ANTXR2: variants seen among roughly 807,000 people sequenced by gnomAD.
The protein encoded by ANTXR2 is anthrax toxin receptor 2.
A neutral mutation model predicts 73.7 loss-of-function variants in ANTXR2; 44 were observed. The observed-to-expected ratio is 0.60, with a 90% CI of 0.47 to 0.77. The LOEUF (loss-of-function observed/expected upper bound fraction) is 0.77. Ranked by LOEUF, ANTXR2 falls within the 30% of genes least tolerant of loss-of-function variation. The pLI is 0.00. For synonymous variants in ANTXR2, 217 were observed against 205.9 expected (o/e 1.05, Z -0.46); for missense variants, 604 against 592.5 (o/e 1.02, Z -0.20).
chr4:79,994,168 C>T (rs1010761210), intron 12 of ANTXR2, among the ~76,000 whole-genome samples: 4 of 151,932 alleles, frequency 2.6e-5, no homozygotes, highest in South Asian at 2.1e-4. Flanking sequence ...TAATACTCTA[C>T]TTGTTGTTAA....
At chr4:79,913,465 A>G (rs908172514) in intron 16 of ANTXR2, among the ~76,000 whole-genome samples, 1 of 152,124 alleles carries the variant, frequency 6.6e-6, no homozygotes, top group Non-Finnish European at 1.5e-5. Flanking sequence ...TGTACAACCT[A>G]CCTCATGTCC....
In ANTXR2 at chr4:80,035,450, G is replaced by C. The variant is rs542916361; in HGVS notation, c.697+522C>G. ...CTTGAAAAAGAAACAAAATAGGCCA[G>C]AGAGAATCACACTCTGTCTGGGCAA... On this transcript the variant is annotated intron_variant, in intron 8 of 16. Transcript: ENST00000403729. 2.6e-5 allele frequency among the ~76,000 whole-genome samples: 4 copies of C among 152,274 alleles called. No homozygotes were observed. The East Asian group carries it at 7.7e-4, about 29-fold the overall frequency.
chr4:79,990,775 G>C (rs553721756), intron 12 of ANTXR2, among the ~76,000 whole-genome samples: 1 of 151,232 alleles, frequency 6.6e-6, no homozygotes, highest in African/African-American at 2.4e-5. Context: ...GGTACTGCTG[G>C]AAAAGGTTAG....
At chr4:79,978,684 C>A (rs1047402158) in intron 14 of ANTXR2, among the ~76,000 whole-genome samples, 4 of 152,162 alleles carry the variant, frequency 2.6e-5, no homozygotes, top group Non-Finnish European at 4.4e-5. Flanking sequence ...CCAGATGAGG[C>A]ACAGGGAGGT....
chr4:79,981,474 G>A (rs1053862090), intron 14 of ANTXR2, among the ~76,000 whole-genome samples: 2 of 151,810 alleles, frequency 1.3e-5, no homozygotes, highest in African/African-American at 4.8e-5. Flanking sequence ...TATGTTTGAC[G>A]CACACCTTAT....
At chr4:79,996,274 GTTAC>G (rs1446620831) in intron 12 of ANTXR2, among the ~76,000 whole-genome samples, 3 of 151,860 alleles carry the variant, frequency 2.0e-5, no homozygotes, top group East Asian at 1.9e-4. Flanking sequence ...TTGAGTAGTT[GTTAC>G]TTACTTGCAT....
intron 16 of ANTXR2, among the ~76,000 whole-genome samples, chr4:79,954,295 A>T (rs1728811828): frequency 6.6e-6 from 1 of 152,154 alleles, no homozygotes; most frequent in Non-Finnish European, 1.5e-5. Context: ...CTGGGATTAC[A>T]GGTATGAGCC....
chr4:79,986,210 C>G (rs537434689), intron 12 of ANTXR2, among the ~76,000 whole-genome samples: 1 of 152,058 alleles, frequency 6.6e-6, no homozygotes, highest in Admixed American at 6.6e-5. Context: ...AAATCTTTGA[C>G]CAAGTGTCAA....
In ANTXR2 at chr4:79,983,881, C is replaced by T. The variant is rs1729990971; in HGVS notation, c.1176G>A (p.Met392Ile). The T allele has an allele frequency of 3.1e-6, 5 of 1,610,176 alleles. No individual in the cohort carries two copies. Among genetic ancestry groups the T allele is most frequent in the Non-Finnish European group, 4.2e-6 (5 of 1,177,254 alleles). The change falls in exon 14 of 17, where the codon ATG becomes ATA. Residue 392 changes from methionine (M) to isoleucine (I), a missense_variant. Met to Ile is a conservative substitution (Grantham distance 10). Coordinates refer to ENST00000403729, the MANE Select transcript of ANTXR2 (RefSeq NM_058172.6). ...GGRGVGGIKRMEVRWGDKGST... is the reference protein window; with the variant it reads ...GGRGVGGIKRIEVRWGDKGST... ...TATTTTTTTTTAAGATACCAACCTC[C>T]ATTCTTTTAATTCCTCCAACCCCTC...
At chr4:80,031,554 T>C in intron 10 of ANTXR2, 69 bp downstream of exon 10, 1 of 1,178,264 alleles carries the variant, frequency 8.5e-7, no homozygotes, top group Non-Finnish European at 1.2e-6. Context: ...ATGACCAATG[T>C]ATATGTCACC....
At chr4:79,917,959 A>G (rs1400494265) in intron 16 of ANTXR2, among the ~76,000 whole-genome samples, 2 of 151,040 alleles carry the variant, frequency 1.3e-5, no homozygotes, top group African/African-American at 2.5e-5. Context: ...ATCTGGCAAA[A>G]AAGGCAGGTA....
chr4:80,035,648 A>G (rs2110086622), intron 8 of ANTXR2, among the ~76,000 whole-genome samples: 1 of 152,234 alleles, frequency 6.6e-6, no homozygotes, highest in Non-Finnish European at 1.5e-5. Context: ...CATATACCTG[A>G]CTGTTTGTAT....
intron 16 of ANTXR2, among the ~76,000 whole-genome samples, chr4:79,956,488 T>C (rs1196855343): frequency 6.6e-6 from 1 of 152,114 alleles, no homozygotes; most frequent in East Asian, 1.9e-4. Context: ...CATTCGGCAA[T>C]GTACCCTTGG....
rs1285412968 is a variant in ANTXR2 at position 80,018,913 on chromosome 4, G to A, written c.930C>T (p.Val310=). ...TTTTACTTACACATTCTGTGGCTGT[G>A]ACAATTAATGATCCTGAAATGACAG... ...GKSVISGSLI[V]TATECSNGIA... is the part of the protein sequence containing the mutation. Residue 310 remains valine, a synonymous_variant, in exon 11 of 17, where the codon GTC becomes GTT. Transcript: ENST00000403729. 3.9e-6 allele frequency: 6 copies of A among 1,521,512 alleles called. No homozygotes were observed. The East Asian group carries it at 1.5e-4, about 39-fold the overall frequency. The allele number at this position is 1,521,512 out of a possible 1,614,324, so 94.3% of individuals were successfully genotyped here.
intron 16 of ANTXR2, among the ~76,000 whole-genome samples, chr4:79,953,933 T>C (rs1476760844): frequency 6.6e-6 from 1 of 152,170 alleles, no homozygotes; most frequent in Non-Finnish European, 1.5e-5. Context: ...GTTGGCCTTT[T>C]CAATTTTATT....
intron 3 of ANTXR2, among the ~76,000 whole-genome samples, chr4:80,066,571 T>G (rs1734505270): frequency 6.6e-6 from 1 of 152,246 alleles, no homozygotes; most frequent in African/African-American, 2.4e-5. Flanking sequence ...TAAGCATGAT[T>G]CTTCTCTGAT....
At chr4:80,010,032 TG>T in intron 11 of ANTXR2, among the ~76,000 whole-genome samples, 1 of 103,394 alleles carries the variant, frequency 9.7e-6, no homozygotes, top group Non-Finnish European at 2.0e-5. Flanking sequence ...TCAGTAATAA[TG>T]TTTTGTTTTG....
intron 7 of ANTXR2, among the ~76,000 whole-genome samples, chr4:80,043,866 GC>G: frequency 6.6e-6 from 1 of 151,880 alleles, no homozygotes; most frequent in Non-Finnish European, 1.5e-5. Context: ...CAGTGTTTAA[GC>G]CTGGACACTC....
intron 10 of ANTXR2, among the ~76,000 whole-genome samples, chr4:80,028,575 T>C (rs1171051244): frequency 2.6e-5 from 4 of 152,144 alleles, no homozygotes; most frequent in Non-Finnish European, 5.9e-5. Context: ...CACCAGCATG[T>C]TGTTAATTAT....
Sources: gnomAD v4.1 joint callset for allele counts (sites outside exome capture counted in the v4.1 genomes callset) on GRCh38, gnomAD v4.1.1 for gene constraint, MANE v1.5 for transcripts, NCBI Gene and HGNC (gene_info 2026-07-23, HGNC 2026-07-21) for gene names.